The following PHACTR3 variants were observed in gnomAD, a reference collection of about 807,000 sequenced individuals.
PHACTR3 encodes the protein phosphatase and actin regulator 3, also known as protein phosphatase 1, regulatory subunit 123.
PHACTR3 carries 16 observed loss-of-function variants against 66.8 expected under a neutral mutation model. That is an observed-to-expected ratio of 0.24 (90% CI 0.16 to 0.36). PHACTR3 has a LOEUF of 0.36. Ranked by LOEUF, PHACTR3 falls within the 10% of genes least tolerant of loss-of-function variation. PHACTR3 has a pLI of 1.00. For synonymous variants in PHACTR3, 323 were observed against 292.1 expected, an observed-to-expected ratio of 1.11 and a Z score of -1.08; for missense variants, 647 against 719.9, an observed-to-expected ratio of 0.90 and a Z score of 1.16.
At chr20:59,815,403 G>C (rs1035245643) in intron 8 of PHACTR3, among the ~76,000 whole-genome samples, 3 of 149,484 alleles carry the variant, frequency 2.0e-5, no homozygotes, top group Non-Finnish European at 4.4e-5. Flanking sequence ...AGACTCAGCT[G>C]TACTTGGGGT....
In PHACTR3 at chr20:59,830,628, A is replaced by G. The variant is rs1305336860; in HGVS notation, c.1329-5877A>G. Among the ~76,000 whole-genome samples the G allele has an allele frequency of 6.6e-6, 1 of 152,076 alleles. No individual in the cohort carries two copies. Among genetic ancestry groups the G allele is most frequent in the Non-Finnish European group, 1.5e-5 (1 of 68,014 alleles). On this transcript the variant is annotated intron_variant, in intron 8 of 12. Transcript: ENST00000371015. The surrounding 1 kb of genome is among the most constrained non-coding windows in gnomAD (Gnocchi z 5.8). ...GCTCTGCTGGCTGAAGGTGGAAGAG[A>G]CCTGGGCTCAGCACGCCAGGTGAAT...
At chr20:59,808,508 G>A (rs1030706090) in intron 8 of PHACTR3, among the ~76,000 whole-genome samples, 4 of 152,234 alleles carry the variant, frequency 2.6e-5, no homozygotes, top group South Asian at 2.1e-4. Context: ...TTGGTAGACA[G>A]TGCCCTGGAC....
chr20:59,714,956 A>G (rs6092816), intron 1 of PHACTR3, among the ~76,000 whole-genome samples: 7,845 of 152,222 alleles, frequency 0.052, 661 homozygotes, highest in African/African-American at 0.18. Flanking sequence ...TCTCGTTTAA[A>G]TATAATTTTC....
chr20:59,824,205 G>A (rs1454660763), intron 8 of PHACTR3, among the ~76,000 whole-genome samples: 3 of 152,132 alleles, frequency 2.0e-5, no homozygotes, highest in Non-Finnish European at 4.4e-5. Flanking sequence ...AGGAGTGTTT[G>A]GTTGAGTAAC....
intron 1 of PHACTR3, among the ~76,000 whole-genome samples, chr20:59,620,268 C>T (rs1453001567): frequency 6.6e-6 from 1 of 152,120 alleles, no homozygotes; most frequent in Non-Finnish European, 1.5e-5. Flanking sequence ...ACCTATATTC[C>T]CCAAATAACA....
At chr20:59,662,963 G>A (rs1439433877) in intron 1 of PHACTR3, among the ~76,000 whole-genome samples, 1 of 152,216 alleles carries the variant, frequency 6.6e-6, no homozygotes, top group Admixed American at 6.5e-5. Flanking sequence ...CGCAGTTCAC[G>A]GCTCTGCAGG....
intron 7 of PHACTR3, among the ~76,000 whole-genome samples, chr20:59,781,534 G>A (rs2040726195): frequency 1.3e-5 from 2 of 152,226 alleles, no homozygotes; most frequent in Admixed American, 6.5e-5. Context: ...CGCTCATGGA[G>A]GGCCTGGCCT....
intron 1 of PHACTR3, among the ~76,000 whole-genome samples, chr20:59,651,101 C>G (rs1000513617): frequency 2.0e-5 from 3 of 152,014 alleles, no homozygotes; most frequent in Non-Finnish European, 2.9e-5. Context: ...TGGTGTACAC[C>G]TGTAATCCCA....
intron 4 of PHACTR3, among the ~76,000 whole-genome samples, chr20:59,759,129 G>A (rs180780654): frequency 0.022 from 3,399 of 152,274 alleles, 59 homozygotes; most frequent in Non-Finnish European, 0.035. Context: ...CTGGTAGCAT[G>A]TGTGTTTTGG....
intron 1 of PHACTR3, among the ~76,000 whole-genome samples, chr20:59,685,838 G>C (rs2036842844): frequency 6.6e-6 from 1 of 152,184 alleles, no homozygotes. Flanking sequence ...GATTGTATCT[G>C]CCAGTGGGTT....
At chr20:59,636,402 C>T (rs530031905) in intron 1 of PHACTR3, among the ~76,000 whole-genome samples, 2 of 152,318 alleles carry the variant, frequency 1.3e-5, no homozygotes, top group South Asian at 4.1e-4. Flanking sequence ...CCCCATTTTA[C>T]AGGTGAAGAA....
At chr20:59,781,073 T>A (rs114626912) in intron 7 of PHACTR3, among the ~76,000 whole-genome samples, 131 of 152,374 alleles carry the variant, frequency 8.6e-4, no homozygotes, top group African/African-American at 3.0e-3. Flanking sequence ...TTTGTCAATG[T>A]TCCGTAGCTG....
intron 1 of PHACTR3, among the ~76,000 whole-genome samples, chr20:59,608,233 A>G (rs562730319): frequency 6.6e-6 from 1 of 152,000 alleles, no homozygotes; most frequent in Non-Finnish European, 1.5e-5. Flanking sequence ...TAAATCTCCC[A>G]TGGCCGGGTC....
chr20:59,744,296 G>C (rs769524623), intron 2 of PHACTR3, among the ~76,000 whole-genome samples: 1 of 152,246 alleles, frequency 6.6e-6, no homozygotes, highest in Non-Finnish European at 1.5e-5. Context: ...GGGTGTGGTG[G>C]CTCGTCAGCC....
In PHACTR3 at chr20:59,721,611, T is replaced by C. The variant is rs775646080; in HGVS notation, c.119-21496T>C. Among the ~76,000 whole-genome samples, 13 of 152,096 alleles carry C rather than the reference T, an allele frequency of 8.5e-5. 1 individual carries two copies. The highest frequency in any genetic ancestry group is 1.6e-4 in the Non-Finnish European group (11 of 68,016). ...TCTAGAAGGCAAAGTGCGTGTAAAGTTCTTGAAACTAGAGATACCTAAGGA... is the reference window on the plus strand; with the variant it reads ...TCTAGAAGGCAAAGTGCGTGTAAAGCTCTTGAAACTAGAGATACCTAAGGA... On this transcript the variant is annotated intron_variant, in intron 1 of 12. Transcript: ENST00000371015.
chr20:59,775,309 G>T lies in PHACTR3; in HGVS notation c.1174+819G>T, dbSNP rs1383785524. 2.0e-5 allele frequency among the ~76,000 whole-genome samples: 3 copies of T among 152,296 alleles called. No individual in the cohort carries two copies. In the South Asian group the frequency reaches 6.2e-4, roughly 32 times the overall value. On this transcript the variant is annotated intron_variant, in intron 7 of 12. Coordinates refer to ENST00000371015, the MANE Select transcript of PHACTR3 (RefSeq NM_080672.5). ...TGGCCTGCAAGGGAAGGATCAGGAA[G>T]CGTCCGTTGCTGTTCTTCCTGGAAG... is the stretch of plus-strand genomic sequence containing the variant.
Position 59,830,429 on chromosome 20 carries a change from A to AT in PHACTR3, c.1329-6075dup, listed in dbSNP as rs2042331755. Among the ~76,000 whole-genome samples the AT allele has an allele frequency of 6.6e-6, 1 of 151,990 alleles. No individual in the cohort carries two copies. Among genetic ancestry groups the AT allele is most frequent in the Admixed American group, 6.6e-5 (1 of 15,260 alleles). On this transcript the variant is annotated intron_variant, in intron 8 of 12. Coordinates refer to ENST00000371015, the MANE Select transcript of PHACTR3 (RefSeq NM_080672.5). This position sits in a 1 kb window ranked among gnomAD's most constrained non-coding sequence, Gnocchi z 5.8. ...GAGGGTGTGAGTGTCTGATGGAGGA[A>AT]TGTGTGGGCATCTGATGGAGGAAGA...
At chr20:59,588,065 C>T (rs1011373070) in intron 1 of PHACTR3, among the ~76,000 whole-genome samples, 6 of 152,134 alleles carry the variant, frequency 3.9e-5, no homozygotes, top group South Asian at 2.1e-4. Context: ...ATCAGGTCAC[C>T]GGGGGTCGGG....
intron 7 of PHACTR3, among the ~76,000 whole-genome samples, chr20:59,781,701 A>G (rs79186339): frequency 0.031 from 4,701 of 152,290 alleles, 237 homozygotes; most frequent in African/African-American, 0.11. Context: ...TTTATAAAAT[A>G]TACATGCAAG....
Sources: allele counts gnomAD v4.1 joint callset (sites outside exome capture counted in the v4.1 genomes callset), GRCh38; gene constraint gnomAD v4.1.1; non-coding constraint Gnocchi (gnomAD v3.1); transcripts MANE v1.5; gene names NCBI Gene and HGNC (gene_info 2026-07-23, HGNC 2026-07-21).